MAST4: variants seen among roughly 807,000 people sequenced by gnomAD.
MAST4 encodes microtubule-associated serine/threonine-protein kinase 4.
Under a neutral mutation model 162.7 loss-of-function variants are expected in MAST4, and 89 were observed. The ratio of observed to expected loss-of-function variants is 0.55; its 90% confidence interval spans 0.46 to 0.65. The LOEUF is 0.65. MAST4 is among the 30% of genes least tolerant of loss of function. The probability of loss-of-function intolerance (pLI) is 0.00; values close to 1 mark genes in which losing one functional copy is unlikely to be tolerated. For synonymous variants in MAST4, 1,479 were observed against 1,361.1 expected, an observed-to-expected ratio of 1.09 and a Z score of -1.91; for missense variants, 3,153 against 3,374.0, an observed-to-expected ratio of 0.93 and a Z score of 1.62.
chr5:66,867,729 T>G (rs1760634137), intron 3 of MAST4, among the ~76,000 whole-genome samples: 1 of 152,246 alleles, frequency 6.6e-6, no homozygotes, highest in South Asian at 2.1e-4. Context: ...TGGTGAGGAA[T>G]CCACCTCTTC....
In MAST4 at chr5:67,166,363, A is replaced by T; in HGVS notation, c.7184A>T (p.His2395Leu). ...DKLEAGLSFV[H>L]SENRLKGAER... Reference sequence around the variant, plus strand: ...CTCGAGGCCGGCCTTTCCTTTGTGCATAGCGAGAACCGGTTGAAAGGCGCG... The same window carrying T: ...CTCGAGGCCGGCCTTTCCTTTGTGCTTAGCGAGAACCGGTTGAAAGGCGCG... Residue 2395 changes from histidine (H) to leucine (L), a missense_variant, in exon 29 of 29, where the codon CAT (histidine) becomes CTT (leucine). Physicochemically the swap from His to Leu is moderately conservative, Grantham distance 99. Transcript: ENST00000403625. 1.2e-6 allele frequency: 2 copies of T among 1,611,258 alleles called. No individual in the cohort carries two copies. Among genetic ancestry groups the T allele is most frequent in the Non-Finnish European group, 1.7e-6 (2 of 1,178,734 alleles).
At chr5:67,117,001 A>C (rs1020954504) in intron 12 of MAST4, among the ~76,000 whole-genome samples, 11 of 152,146 alleles carry the variant, frequency 7.2e-5, no homozygotes, top group African/African-American at 2.2e-4. Context: ...TGACCATCCA[A>C]ATTGACGCAC....
At chr5:67,148,463 C>G (rs1771370993) in intron 23 of MAST4, among the ~76,000 whole-genome samples, 1 of 152,210 alleles carries the variant, frequency 6.6e-6, no homozygotes, top group Admixed American at 6.5e-5. Context: ...TTACTCTCGG[C>G]CTCTGCATTC....
intron 5 of MAST4, among the ~76,000 whole-genome samples, chr5:67,067,390 A>G (rs16896240): frequency 0.014 from 2,180 of 152,332 alleles, 32 homozygotes; most frequent in African/African-American, 0.037. Context: ...GATTGTTTAA[A>G]TGGGAAAGTA....
Position 67,164,015 on chromosome 5 carries a change from C to T in MAST4, c.4836C>T (p.Ser1612=), listed in dbSNP as rs200132752. Residue 1612 remains serine, a synonymous_variant, in exon 29 of 29, where the codon AGC becomes AGT. Transcript: ENST00000403625. The surrounding 1 kb of genome is among the most constrained non-coding windows in gnomAD (Gnocchi z 5.3). ...AGGATGCTCTTCACAAGCAGGCCAG[C>T]GTGCGCGCCAGCGAGGGTGCGATGT... ...LLKDALHKQA[S]VRASEGAMSD... The T allele has an allele frequency of 2.5e-6, 4 of 1,592,768 alleles. No individual in the cohort carries two copies. The South Asian group carries it at 4.5e-5, about 18-fold the overall frequency.
chr5:67,090,076 TAAAC>T (rs1256792415), intron 5 of MAST4, 82 bp from the exon 6 acceptor site: 2 of 955,132 alleles, frequency 2.1e-6, no homozygotes, highest in African/African-American at 3.3e-5. Context: ...GAAATGTAAA[TAAAC>T]TTATTTCTAA....
intron 4 of MAST4, among the ~76,000 whole-genome samples, chr5:66,976,820 A>G (rs1029375369): frequency 6.6e-6 from 1 of 152,176 alleles, no homozygotes; most frequent in Non-Finnish European, 1.5e-5. Context: ...TGGGCTTCCT[A>G]TTTAGCTCAG....
chr5:66,871,134 C>A (rs1338234741), intron 3 of MAST4, among the ~76,000 whole-genome samples: 5 of 152,016 alleles, frequency 3.3e-5, no homozygotes, highest in African/African-American at 1.2e-4. Context: ...TTTCCGGTAC[C>A]AGTGTGACAT....
At chr5:66,828,075 C>T (rs1390780786) in intron 3 of MAST4, among the ~76,000 whole-genome samples, 1 of 152,106 alleles carries the variant, frequency 6.6e-6, no homozygotes, top group Non-Finnish European at 1.5e-5. Flanking sequence ...TCTTAGAATC[C>T]CCTCCACCCA....
chr5:66,758,573 C>T (rs1040996929), intron 1 of MAST4, among the ~76,000 whole-genome samples: 5 of 152,034 alleles, frequency 3.3e-5, no homozygotes, highest in African/African-American at 4.8e-5. Context: ...TGAGCCACTG[C>T]GCTCCGCCTG....
intron 4 of MAST4, among the ~76,000 whole-genome samples, chr5:67,028,478 GAGTT>G (rs1464656312): frequency 6.6e-6 from 1 of 152,110 alleles, no homozygotes; most frequent in Admixed American, 6.6e-5. Flanking sequence ...TCCAGGATCT[GAGTT>G]AGAGCAAGCA....
intron 1 of MAST4, among the ~76,000 whole-genome samples, chr5:66,737,107 G>A (rs543517469): frequency 5.2e-4 from 79 of 152,152 alleles, no homozygotes; most frequent in Non-Finnish European, 9.7e-4. Flanking sequence ...TTTTATCCCA[G>A]TTTTTTTGAG....
chr5:66,770,808 G>A (rs1048003875), intron 2 of MAST4, among the ~76,000 whole-genome samples: 2 of 152,142 alleles, frequency 1.3e-5, no homozygotes, highest in African/African-American at 4.8e-5. Context: ...TTACAGTTCT[G>A]TACCTGATAG....
rs1211743148 is a variant in MAST4, at chr5:67,078,924, AT to A, written c.764-11237del. On this transcript the variant is annotated intron_variant, in intron 5 of 28. Coordinates refer to ENST00000403625, the MANE Select transcript of MAST4 (RefSeq NM_001164664.2). ...TATTTTTATATAAATATATATATAT[AT>A]ATATATATATATATATATATATATA... Among the ~76,000 whole-genome samples the A allele has an allele frequency of 1.1e-3, 89 of 78,670 alleles. 4 individuals are homozygous for A. Among genetic ancestry groups the A allele is most frequent in the South Asian group, 2.5e-3 (7 of 2,802 alleles). The allele number at this position is 78,670 out of a possible 152,430, so 51.6% of individuals were successfully genotyped here.
intron 26 of MAST4, among the ~76,000 whole-genome samples, chr5:67,155,816 C>T (rs555107292): frequency 6.6e-6 from 1 of 152,258 alleles, no homozygotes; most frequent in Admixed American, 6.5e-5. Context: ...AATCCCAGCA[C>T]TTTGGGAGGC....
At chr5:67,104,676 T>C in intron 10 of MAST4, 101 bp downstream of exon 10, 1 of 720,510 alleles carries the variant, frequency 1.4e-6, no homozygotes. Flanking sequence ...GAGTTCACAT[T>C]CCAGAGAAGC....
chr5:66,959,438 C>A, intron 4 of MAST4: 1 of 681,366 alleles, frequency 1.5e-6, no homozygotes, highest in Non-Finnish European at 2.7e-6. Flanking sequence ...AAATGCATGG[C>A]ATTTGGTTTC....
intron 14 of MAST4, among the ~76,000 whole-genome samples, chr5:67,122,368 C>T (rs1415880005): frequency 6.6e-6 from 1 of 152,112 alleles, no homozygotes; most frequent in Non-Finnish European, 1.5e-5. Context: ...TTGTGAGTCC[C>T]TTCTATGCTT....
intron 26 of MAST4, among the ~76,000 whole-genome samples, chr5:67,153,915 T>A (rs138686255): frequency 6.6e-6 from 1 of 152,320 alleles, no homozygotes; most frequent in East Asian, 1.9e-4. Flanking sequence ...TTCTAACAGG[T>A]TTCATTCTAG....
Sources: allele counts gnomAD v4.1 joint callset (sites outside exome capture counted in the v4.1 genomes callset), GRCh38; gene constraint gnomAD v4.1.1; non-coding constraint Gnocchi (gnomAD v3.1); transcripts MANE v1.5; gene names NCBI Gene and HGNC (gene_info 2026-07-23, HGNC 2026-07-21).